Variants in CNTN4 observed in about 807,000 individuals in gnomAD.
CNTN4 encodes the protein contactin-4.
CNTN4 carries 77 observed loss-of-function variants against 122.5 expected under a neutral mutation model. The observed-to-expected ratio is 0.63, with a 90% CI of 0.52 to 0.76. The LOEUF is 0.76. Among genes scored for constraint, CNTN4 ranks in the 30% least tolerant of loss-of-function variants. The pLI, the probability that CNTN4 is intolerant of heterozygous loss-of-function variation, is 0.00. For synonymous variants in CNTN4, 512 were observed against 447.0 expected, an observed-to-expected ratio of 1.15 and a Z score of -1.83; for missense variants, 1,256 against 1,259.1, an observed-to-expected ratio of 1.00 and a Z score of 0.04.
At chr3:2,162,309 T>A (rs2035999921) in intron 2 of CNTN4, among the ~76,000 whole-genome samples, 1 of 152,252 alleles carries the variant, frequency 6.6e-6, no homozygotes, top group Non-Finnish European at 1.5e-5. Context: ...TTCTTATGAA[T>A]GTTCTCATAT....
intron 10 of CNTN4, among the ~76,000 whole-genome samples, chr3:2,889,672 T>G (rs2094016829): frequency 6.6e-6 from 1 of 152,216 alleles, no homozygotes; most frequent in Admixed American, 6.5e-5. Context: ...GTCTCTTCAG[T>G]TCAGTGGTGG....
intron 2 of CNTN4, among the ~76,000 whole-genome samples, chr3:2,255,136 G>T (rs189699667): frequency 1.3e-5 from 2 of 152,218 alleles, no homozygotes; most frequent in Admixed American, 1.3e-4. Flanking sequence ...CATTTATTAA[G>T]TAGGGAATCC....
intron 4 of CNTN4, among the ~76,000 whole-genome samples, chr3:2,610,016 C>G (rs2081415451): frequency 6.6e-6 from 1 of 152,122 alleles, no homozygotes; most frequent in Admixed American, 6.5e-5. Context: ...ATTTCTCTGT[C>G]TCTCCCGAGC....
intron 3 of CNTN4, among the ~76,000 whole-genome samples, chr3:2,524,465 G>T (rs879452123): frequency 1.3e-5 from 2 of 152,150 alleles, no homozygotes; most frequent in East Asian, 3.9e-4. Context: ...TCGTTTTTGT[G>T]TGGACATACA....
At chr3:2,118,163 A>G (rs1287802571) in intron 2 of CNTN4, among the ~76,000 whole-genome samples, 1 of 152,204 alleles carries the variant, frequency 6.6e-6, no homozygotes, top group Non-Finnish European at 1.5e-5. Context: ...TGTGAGCTAG[A>G]TGCTGTGATG....
At chr3:3,016,825 G>T (rs1478262226) in intron 14 of CNTN4, among the ~76,000 whole-genome samples, 1 of 152,100 alleles carries the variant, frequency 6.6e-6, no homozygotes, top group African/African-American at 2.4e-5. Flanking sequence ...TCTGCTTTGC[G>T]ATTTTCCCCC....
intron 2 of CNTN4, among the ~76,000 whole-genome samples, chr3:2,203,597 GAA>G (rs2038205570): frequency 6.6e-6 from 1 of 152,132 alleles, no homozygotes; most frequent in African/African-American, 2.4e-5. Context: ...GTTAATTAGA[GAA>G]AATGTACCTG....
At position 2,523,831 on chromosome 3, in the gene CNTN4, A is replaced by G. The variant is rs77528140; in HGVS notation, c.-88-47585A>G. On this transcript the variant is annotated intron_variant, in intron 3 of 24. Coordinates refer to ENST00000418658, the MANE Select transcript of CNTN4 (RefSeq NM_175607.3). ...TGAATGACTCACTTTTTCAATTTTC[A>G]TCAAAATAACCCTTGTTTTGTAAAT... Among the ~76,000 whole-genome samples the G allele has an allele frequency of 3.0e-3, 462 of 152,170 alleles. 1 individual carries two copies. The highest frequency in any genetic ancestry group is 5.2e-3 in the Non-Finnish European group (352 of 67,974).
intron 2 of CNTN4, among the ~76,000 whole-genome samples, chr3:2,121,561 G>A (rs2033785988): frequency 6.6e-6 from 1 of 151,428 alleles, no homozygotes. Context: ...CTATAGAATT[G>A]TAAGTTGGTT....
intron 13 of CNTN4, among the ~76,000 whole-genome samples, chr3:2,976,756 C>A: frequency 6.6e-6 from 1 of 152,064 alleles, no homozygotes; most frequent in Non-Finnish European, 1.5e-5. Flanking sequence ...AGAATTTCCA[C>A]GTATCTTTTG....
In CNTN4 at chr3:3,046,522, C is replaced by T. The variant is rs144228912; in HGVS notation, c.2811+2818C>T. Among the ~76,000 whole-genome samples, 29 of 152,214 alleles carry T rather than the reference C, an allele frequency of 1.9e-4. 1 individual carries two copies. In the East Asian group the frequency reaches 5.0e-3, roughly 26 times the overall value. On this transcript the variant is annotated intron_variant, in intron 23 of 24. Transcript: ENST00000418658. ...TTCAATCCAGAACTTCATATCCAGC[C>T]AAACTAAGCTTCATCAGTGAAGGAG...
intron 7 of CNTN4, among the ~76,000 whole-genome samples, chr3:2,833,006 T>G (rs575718823): frequency 6.6e-6 from 1 of 152,082 alleles, no homozygotes; most frequent in Non-Finnish European, 1.5e-5. Context: ...GAGAAAATAC[T>G]TAGTGATAAA....
At chr3:2,239,217 A>T (rs1181612386) in intron 2 of CNTN4, 2 of 152,144 alleles carry the variant, frequency 1.3e-5, no homozygotes, top group Admixed American at 6.5e-5. Flanking sequence ...TAATAATGTG[A>T]TTTGTATTTG....
At chr3:2,855,276 A>G (rs2093606110) in intron 7 of CNTN4, among the ~76,000 whole-genome samples, 2 of 152,318 alleles carry the variant, frequency 1.3e-5, no homozygotes, top group East Asian at 1.9e-4. Context: ...GGCTCCTGGC[A>G]TAGGAAAAGA....
chr3:2,239,711 T>C (rs1257256676), intron 2 of CNTN4, among the ~76,000 whole-genome samples: 1 of 152,176 alleles, frequency 6.6e-6, no homozygotes, highest in Non-Finnish European at 1.5e-5. Flanking sequence ...AATTAATAAA[T>C]TAAGAAGTTA....
At chr3:2,190,740 G>C (rs11720157) in intron 2 of CNTN4, among the ~76,000 whole-genome samples, 110 of 151,360 alleles carry the variant, frequency 7.3e-4, no homozygotes, top group African/African-American at 2.5e-3. Context: ...TGGGCTTGCT[G>C]TTTTCTAAAT....
intron 7 of CNTN4, among the ~76,000 whole-genome samples, chr3:2,820,583 G>A (rs2092840838): frequency 6.6e-6 from 1 of 152,122 alleles, no homozygotes; most frequent in South Asian, 2.1e-4. Flanking sequence ...GAGGCTGAAA[G>A]TTCCAACCCT....
At chr3:2,628,437 G>C (rs2082292777) in intron 4 of CNTN4, among the ~76,000 whole-genome samples, 2 of 152,178 alleles carry the variant, frequency 1.3e-5, no homozygotes, top group Non-Finnish European at 2.9e-5. Context: ...CCTTGGGCAA[G>C]AGAAAAGTCT....
At chr3:2,548,401 A>G (rs1026739534) in intron 3 of CNTN4, among the ~76,000 whole-genome samples, 1 of 152,182 alleles carries the variant, frequency 6.6e-6, no homozygotes, top group Non-Finnish European at 1.5e-5. Flanking sequence ...ATGGCTAGCC[A>G]GTTTTCCCAA....
Sources: gnomAD v4.1 joint callset for allele counts (sites outside exome capture counted in the v4.1 genomes callset) on GRCh38, gnomAD v4.1.1 for gene constraint, MANE v1.5 for transcripts, NCBI Gene and HGNC (gene_info 2026-07-23, HGNC 2026-07-21) for gene names.